Variants in TJP3 observed in about 807,000 individuals in gnomAD.
TJP3 encodes tight junction protein ZO-3.
In TJP3, 85 loss-of-function variants were observed where a neutral mutation model predicts 104.2. That is an observed-to-expected ratio of 0.82 (90% CI 0.68 to 0.98). The LOEUF is 0.98. Among genes scored for constraint, TJP3 ranks in the 50% least tolerant of loss-of-function variants. TJP3 has a pLI of 0.00. For synonymous variants in TJP3, 550 were observed against 550.6 expected (o/e 1.00, Z 0.02); for missense variants, 1,367 against 1,322.8 (o/e 1.03, Z -0.52).
chr19:3,747,913 C>T lies in TJP3; in HGVS notation c.2442C>T (p.Gly814=), dbSNP rs1432149603. The change falls in exon 19 of 21, where the codon GGC becomes GGT. Residue 814 remains glycine (G), a synonymous_variant. Coordinates refer to ENST00000541714, the MANE Select transcript of TJP3 (RefSeq NM_001267560.2). ...NSDYETDGEG[G]AYTDGEGYTD... ...ACTACGAGACGGACGGCGAGGGCGG[C>T]GCGTACACGGATGGCGAGGGCTACA... is the stretch of plus-strand genomic sequence containing the variant. The T allele has an allele frequency of 4.3e-6, 7 of 1,613,196 alleles. No homozygotes were observed. Among genetic ancestry groups the T allele is most frequent in the South Asian group, 1.1e-5 (1 of 91,060 alleles).
chr19:3,730,140 C>T lies in TJP3; in HGVS notation c.261+10C>T. The T allele has an allele frequency of 1.2e-6, 2 of 1,612,928 alleles. No individual in the cohort carries two copies. Among genetic ancestry groups the T allele is most frequent in the Non-Finnish European group, 8.5e-7 (1 of 1,178,970 alleles). ...CAAGATGGCCAACATCGTGAGTAGG[C>T]AGCCCCTGGCATGGCCAGCATCTCT... On this transcript the variant is annotated intron_variant, in intron 4 of 20. Transcript: ENST00000541714. The surrounding 1 kb of genome is among the most constrained non-coding windows in gnomAD (Gnocchi z 7.3).
chr19:3,744,404 G>A (rs907885206), intron 15 of TJP3, among the ~76,000 whole-genome samples: 4 of 152,084 alleles, frequency 2.6e-5, no homozygotes, highest in African/African-American at 9.7e-5. Flanking sequence ...GGTGGCTCAT[G>A]CCTGTAATCC....
chr19:3,734,053 G>A, intron 7 of TJP3, 141 bp downstream of exon 7: 2 of 1,194,972 alleles, frequency 1.7e-6, no homozygotes, highest in Non-Finnish European at 1.2e-6. Flanking sequence ...AGGCCACACA[G>A]CAAGTCAAGA....
chr19:3,746,987 C>A lies in TJP3; in HGVS notation c.2322+111C>A. On this transcript the variant is annotated intron_variant, in intron 18 of 20. Transcript: ENST00000541714. The surrounding 1 kb of genome is among the most constrained non-coding windows in gnomAD (Gnocchi z 4.1). ...GTTAGGGCTTGGTCAGGGATCAGGA[C>A]TGTGGCCAGAGTCAAGATGGGACCT... The A allele has an allele frequency of 9.4e-7, 1 of 1,058,684 alleles. No individual in the cohort carries two copies. Among genetic ancestry groups the A allele is most frequent in the Non-Finnish European group, 1.4e-6 (1 of 718,310 alleles). The allele number at this position is 1,058,684 out of a possible 1,614,324, so 65.6% of individuals were successfully genotyped here.
chr19:3,740,037 T>G (rs1056814427), intron 13 of TJP3, among the ~76,000 whole-genome samples: 2 of 152,022 alleles, frequency 1.3e-5, no homozygotes, highest in Non-Finnish European at 1.5e-5. Flanking sequence ...ATTGAGACTA[T>G]CCTGGCCAAC....
chr19:3,716,817 T>TTTTGA (rs2036482387), intron 1 of TJP3, among the ~76,000 whole-genome samples: 2 of 133,568 alleles, frequency 1.5e-5, no homozygotes, highest in African/African-American at 5.4e-5. Flanking sequence ...TTTTTTTTTT[T>TTTTGA]GAAACAGAGT....
chr19:3,743,606 C>G (rs1490608275), intron 14 of TJP3: 5 of 231,566 alleles, frequency 2.2e-5, no homozygotes, highest in African/African-American at 9.1e-5. Context: ...TTGTAGTCTG[C>G]TGACCTATGA....
intron 19 of TJP3, among the ~76,000 whole-genome samples, chr19:3,749,144 A>C (rs2036953222): frequency 6.6e-6 from 1 of 151,466 alleles, no homozygotes; most frequent in South Asian, 2.1e-4. Flanking sequence ...TTGGGATTAG[A>C]GGCGTGAGCC....
intron 6 of TJP3, among the ~76,000 whole-genome samples, chr19:3,733,030 T>G (rs542385460): frequency 2.7e-3 from 78 of 28,582 alleles, no homozygotes; most frequent in African/African-American, 5.4e-3. Flanking sequence ...CTCTTCTCTT[T>G]TTTCTTTTCT....
At chr19:3,717,408 TA>T in intron 1 of TJP3, among the ~76,000 whole-genome samples, 2 of 70,562 alleles carry the variant, frequency 2.8e-5, no homozygotes, top group South Asian at 1.1e-3. Context: ...CCATAGCTTA[TA>T]TATATATATA....
chr19:3,718,210 AAAGTGTGT>A (rs1448221531), intron 1 of TJP3, among the ~76,000 whole-genome samples: 2 of 89,796 alleles, frequency 2.2e-5, no homozygotes, highest in African/African-American at 9.1e-5. Context: ...AAAAAAAAAA[AAAGTGTGT>A]GTGTGTGTGT....
At position 3,746,610 on chromosome 19, in the gene TJP3, G is replaced by T. The variant is rs771292501; in HGVS notation, c.2136G>T (p.Trp712Cys). 1 of 1,610,978 alleles carries T rather than the reference G, an allele frequency of 6.2e-7. No individual in the cohort carries two copies. Among genetic ancestry groups the T allele is most frequent in the Admixed American group, 1.7e-5 (1 of 59,794 alleles). Residue 712 changes from tryptophan to cysteine, a missense_variant, in exon 17 of 21, where the codon TGG (tryptophan) becomes TGT (cysteine). By Grantham distance (215) the Trp-to-Cys change is radical. Transcript: ENST00000541714. This position sits in a 1 kb window ranked among gnomAD's most constrained non-coding sequence, Gnocchi z 4.1. ...SRPALKALRQWLAPASRRSTR... is the reference protein window; with the variant it reads ...SRPALKALRQCLAPASRRSTR... ...CGGCCCTCAAGGCACTGCGCCAGTG[G>T]CTGGCGCCTGCCTCCCGCCGCAGCA... is the stretch of plus-strand genomic sequence containing the variant.
chr19:3,731,126 C>T (rs965081318), intron 5 of TJP3, among the ~76,000 whole-genome samples: 1 of 152,220 alleles, frequency 6.6e-6, no homozygotes, highest in African/African-American at 2.4e-5. Flanking sequence ...CTGGTGGTCC[C>T]TAATTCTGGG....
chr19:3,735,890 A>G lies in TJP3; in HGVS notation c.1082A>G (p.Tyr361Cys), dbSNP rs1004304171. ...QRSELPRESS[Y>C]DIYRVPSSQS... ...TCAGAGTTGCCCAGGGAAAGCAGCT[A>G]TGACATCTACAGAGTGCCCAGCAGT... The change falls in exon 10 of 21, where the codon TAT becomes TGT. Residue 361 changes from tyrosine to cysteine, a missense_variant. Physicochemically the swap from Tyr to Cys is radical, Grantham distance 194. Transcript: ENST00000541714. 40 of 1,614,178 alleles carry G rather than the reference A, an allele frequency of 2.5e-5. No individual in the cohort carries two copies. Among genetic ancestry groups the G allele is most frequent in the Non-Finnish European group, 3.3e-5 (39 of 1,180,032 alleles).
At chr19:3,712,949 CAAA>C (rs72344854) in intron 1 of TJP3, among the ~76,000 whole-genome samples, 4 of 136,708 alleles carry the variant, frequency 2.9e-5, no homozygotes, top group Non-Finnish European at 4.7e-5. Flanking sequence ...GACTCTGTCT[CAAA>C]AAAAAAAAAA....
chr19:3,747,515 CAG>C (rs1335275960), intron 18 of TJP3, among the ~76,000 whole-genome samples: 1 of 152,146 alleles, frequency 6.6e-6, no homozygotes, highest in African/African-American at 2.4e-5. Context: ...AGCCTGGCAA[CAG>C]AGACTCCTTC....
At position 3,733,358 on chromosome 19, in the gene TJP3, C is replaced by T. The variant is rs1198058052; in HGVS notation, c.718-395C>T. ...ACTCTAGATATCTGTTTCTAGTTAT[C>T]TCCCAGAAGATTGTGTGTTTCTAGT... On this transcript the variant is annotated intron_variant, in intron 6 of 20. Coordinates refer to ENST00000541714, the MANE Select transcript of TJP3 (RefSeq NM_001267560.2). Among the ~76,000 whole-genome samples, 12 of 152,294 alleles carry T rather than the reference C, an allele frequency of 7.9e-5. No individual in the cohort carries two copies. The East Asian group carries it at 2.3e-3, about 29-fold the overall frequency.
rs1207006765 is a variant in TJP3, at chr19:3,734,372, A to C, written c.923A>C (p.His308Pro). The C allele has an allele frequency of 1.2e-6, 2 of 1,613,298 alleles. No homozygotes were observed. Among genetic ancestry groups the C allele is most frequent in the Non-Finnish European group, 1.7e-6 (2 of 1,179,968 alleles). ...GAGCTATCGCAGGCACCACCATCCC[A>C]CATCCCACCACCACCCCGGCATGCT... ...ASELSQAPPS[H>P]IPPPPRHAQR... The change falls in exon 8 of 21, where the codon CAC becomes CCC. Residue 308 changes from histidine to proline, a missense_variant. Coordinates refer to ENST00000541714, the MANE Select transcript of TJP3 (RefSeq NM_001267560.2).
At chr19:3,739,223 G>A in intron 13 of TJP3, 89 bp downstream of exon 13, 1 of 1,256,524 alleles carries the variant, frequency 8.0e-7, no homozygotes, top group East Asian at 2.5e-5. Flanking sequence ...TGGACGCGGT[G>A]GCTCAGGCCT....
Sources: gnomAD v4.1 joint callset for allele counts (sites outside exome capture counted in the v4.1 genomes callset) on GRCh38, gnomAD v4.1.1 for gene constraint, Gnocchi (gnomAD v3.1) non-coding constraint, MANE v1.5 for transcripts, NCBI Gene and HGNC (gene_info 2026-07-23, HGNC 2026-07-21) for gene names.